Variants in RAB3C observed in about 807,000 individuals in gnomAD.
The protein encoded by RAB3C is RAB3C, member RAS oncogene family.
RAB3C carries 17 observed loss-of-function variants against 26.4 expected under a neutral mutation model. That is an observed-to-expected ratio of 0.64 (90% CI 0.44 to 0.97). RAB3C has a LOEUF of 0.97. RAB3C is among the 50% of genes least tolerant of loss of function. The pLI is 0.00. For synonymous variants in RAB3C, 91 were observed against 95.9 expected (o/e 0.95, Z 0.30); for missense variants, 242 against 281.9 (o/e 0.86, Z 1.01).
chr5:58,790,599 A>C (rs1742498808), intron 3 of RAB3C, among the ~76,000 whole-genome samples: 1 of 152,102 alleles, frequency 6.6e-6, no homozygotes, highest in Non-Finnish European at 1.5e-5. Context: ...CAAATCTAAT[A>C]TATTATGCGG....
chr5:58,714,378 T>C (rs1303531493), intron 2 of RAB3C, among the ~76,000 whole-genome samples: 1 of 152,168 alleles, frequency 6.6e-6, no homozygotes, highest in Admixed American at 6.5e-5. Context: ...CTAAACATTA[T>C]TCATAAGTAA....
intron 3 of RAB3C, among the ~76,000 whole-genome samples, chr5:58,766,392 A>G (rs1426322968): frequency 2.0e-5 from 3 of 152,220 alleles, no homozygotes; most frequent in Non-Finnish European, 4.4e-5. Context: ...CTGGGATTAC[A>G]GGCATGAGCC....
chr5:58,857,555 G>C lies in RAB3C; in HGVS notation c.*6204G>C, dbSNP rs1185310874. The stretch of plus-strand genomic sequence containing the variant: ...CTCAGAAAGGTTGATCACATGACAT[G>C]TCTACTAAGAATTTTCACCTCTGTA... On this transcript the variant is annotated 3_prime_UTR_variant, in exon 5 of 5. Coordinates refer to ENST00000282878, the MANE Select transcript of RAB3C (RefSeq NM_138453.4). 6.6e-6 allele frequency: 1 copy of C among 152,098 alleles called. No homozygotes were observed. The highest frequency in any genetic ancestry group is 1.9e-4 in the East Asian group (1 of 5,192). 9.4% of individuals were successfully genotyped at this position (152,098 alleles called of 1,614,324 possible).
At chr5:58,805,945 T>C (rs1284976643) in intron 3 of RAB3C, among the ~76,000 whole-genome samples, 2 of 152,188 alleles carry the variant, frequency 1.3e-5, no homozygotes, top group Non-Finnish European at 2.9e-5. Context: ...TTCTAGTAAA[T>C]GGGTATCTAG....
intron 2 of RAB3C, among the ~76,000 whole-genome samples, chr5:58,660,326 C>G (rs1747875170): frequency 6.7e-6 from 1 of 149,576 alleles, no homozygotes; most frequent in South Asian, 2.1e-4. Flanking sequence ...TGAAATAGTC[C>G]CTGAGACTGA....
chr5:58,851,164 G>A lies in RAB3C; in HGVS notation c.497G>A (p.Gly166Glu). ...ERGQHLGEQLGFEFFETSAKD... is the reference protein window; with the variant it reads ...ERGQHLGEQLEFEFFETSAKD... ...ATGTGTTTCTGTGTGTTTCTTCCAG[G>A]GTTTGAGTTTTTTGAAACAAGTGCC... is the stretch of plus-strand genomic sequence containing the variant. The change falls in exon 5 of 5, where the codon GGG becomes GAG. Residue 166 changes from glycine to glutamate, a missense_variant and splice_region_variant. Physicochemically the swap from Gly to Glu is moderately conservative, Grantham distance 98 (BLOSUM62 -2). Transcript: ENST00000282878. The A allele has an allele frequency of 6.3e-7, 1 of 1,591,972 alleles. No individual in the cohort carries two copies.
At chr5:58,803,735 G>T (rs767707687) in intron 3 of RAB3C, among the ~76,000 whole-genome samples, 1 of 152,150 alleles carries the variant, frequency 6.6e-6, no homozygotes, top group Non-Finnish European at 1.5e-5. Flanking sequence ...AACTTTAAAA[G>T]AACTCAGTCT....
At chr5:58,650,374 G>A (rs1440110660) in intron 2 of RAB3C, among the ~76,000 whole-genome samples, 2 of 152,142 alleles carry the variant, frequency 1.3e-5, no homozygotes, top group Non-Finnish European at 2.9e-5. Context: ...TAAAAAGAGG[G>A]AAGGGAGAGA....
intron 3 of RAB3C, among the ~76,000 whole-genome samples, chr5:58,764,356 G>A (rs901444955): frequency 6.6e-6 from 1 of 152,168 alleles, no homozygotes; most frequent in African/African-American, 2.4e-5. Flanking sequence ...TTAGAAAGCA[G>A]TATGAACAGT....
At chr5:58,643,377 C>T (rs534199360) in intron 2 of RAB3C, among the ~76,000 whole-genome samples, 130 of 152,170 alleles carry the variant, frequency 8.5e-4, no homozygotes, top group Non-Finnish European at 1.4e-3. Context: ...ATCAGTTGGC[C>T]GGCTTATTTT....
rs115776817 is a variant in RAB3C at position 58,834,617 on chromosome 5, A to T, written c.496+9455A>T. ...CTGGGTTCAGCAGGGAATCCCAGTG[A>T]TGCTACTAAAATGTTCTAAGTACCT... On this transcript the variant is annotated intron_variant, in intron 4 of 4. Transcript: ENST00000282878. Among the ~76,000 whole-genome samples the T allele has an allele frequency of 4.8e-3, 726 of 152,336 alleles. 2 individuals are homozygous for T. Among genetic ancestry groups the T allele is most frequent in the Non-Finnish European group, 8.0e-3 (545 of 68,030 alleles).
intron 3 of RAB3C, among the ~76,000 whole-genome samples, chr5:58,790,699 A>G (rs1164001490): frequency 6.6e-6 from 1 of 152,210 alleles, no homozygotes; most frequent in Non-Finnish European, 1.5e-5. Context: ...CACACTCTAC[A>G]TGGCAAAGAA....
intron 2 of RAB3C, among the ~76,000 whole-genome samples, chr5:58,701,894 T>C: frequency 6.6e-6 from 1 of 152,218 alleles, no homozygotes; most frequent in East Asian, 1.9e-4. Context: ...AGATCATTAA[T>C]TTAATCATAC....
At chr5:58,723,559 T>A (rs1351599368) in intron 2 of RAB3C, among the ~76,000 whole-genome samples, 1 of 151,804 alleles carries the variant, frequency 6.6e-6, no homozygotes, top group Non-Finnish European at 1.5e-5. Context: ...GAAAGAGTTG[T>A]AGGCAATCTT....
chr5:58,749,835 A>T (rs1237537084), intron 3 of RAB3C, among the ~76,000 whole-genome samples: 1 of 152,164 alleles, frequency 6.6e-6, no homozygotes, highest in Non-Finnish European at 1.5e-5. Flanking sequence ...TAAAACAAAC[A>T]ACAACAACAA....
At chr5:58,732,096 TTTG>T (rs1741035913) in intron 3 of RAB3C, among the ~76,000 whole-genome samples, 2 of 126,802 alleles carry the variant, frequency 1.6e-5, no homozygotes, top group African/African-American at 5.3e-5. Context: ...TTTTTTCTGT[TTTG>T]TTTTTTTTTT....
chr5:58,732,154 G>T (rs1348889893), intron 3 of RAB3C, among the ~76,000 whole-genome samples: 2 of 150,836 alleles, frequency 1.3e-5, no homozygotes, highest in Non-Finnish European at 2.9e-5. Context: ...ACATTGTACA[G>T]GTTAGTTACA....
chr5:58,682,952 G>A (rs530821556), intron 2 of RAB3C, among the ~76,000 whole-genome samples: 5 of 152,266 alleles, frequency 3.3e-5, no homozygotes, highest in South Asian at 2.1e-4. Flanking sequence ...TAGCTCTATA[G>A]TGTTCTGTAC....
chr5:58,793,455 G>T (rs1275596077), intron 3 of RAB3C, among the ~76,000 whole-genome samples: 1 of 151,500 alleles, frequency 6.6e-6, no homozygotes, highest in Non-Finnish European at 1.5e-5. Context: ...TACTCAGGAG[G>T]CTGAGGCAGG....
Sources: allele counts gnomAD v4.1 joint callset (sites outside exome capture counted in the v4.1 genomes callset), GRCh38; gene constraint gnomAD v4.1.1; transcripts MANE v1.5; gene names NCBI Gene and HGNC (gene_info 2026-07-23, HGNC 2026-07-21).